Variants in QSOX2 observed in about 807,000 individuals in gnomAD.
The protein encoded by QSOX2 is quiescin sulfhydryl oxidase 2.
Under a neutral mutation model 61.7 loss-of-function variants are expected in QSOX2, and 46 were observed. The ratio of observed to expected loss-of-function variants is 0.75; its 90% CI spans 0.59 to 0.95. The LOEUF (loss-of-function observed/expected upper bound fraction) is 0.95. Among genes scored for constraint, QSOX2 ranks in the 40% least tolerant of loss-of-function variants. The pLI is 0.00. For synonymous variants in QSOX2, 383 were observed against 388.4 expected (o/e 0.99, Z 0.16); for missense variants, 879 against 918.9 (o/e 0.96, Z 0.56).
intron 8 of QSOX2, among the ~76,000 whole-genome samples, chr9:136,217,782 T>A (rs889250196): frequency 6.6e-6 from 1 of 152,196 alleles, no homozygotes; most frequent in Non-Finnish European, 1.5e-5. Context: ...TCCACTAATA[T>A]GATGGACAGA....
chr9:136,224,516 G>A (rs1830261159), intron 3 of QSOX2, among the ~76,000 whole-genome samples: 2 of 152,200 alleles, frequency 1.3e-5, no homozygotes, highest in South Asian at 4.1e-4. Flanking sequence ...TGTGGCCTGC[G>A]GGGTCTGATC....
intron 3 of QSOX2, 141 bp from the exon 4 acceptor site, chr9:136,224,253 T>C (rs1249288032): frequency 6.2e-6 from 4 of 642,836 alleles, no homozygotes; most frequent in African/African-American, 5.4e-5. Context: ...GCAATCCCAA[T>C]GGGTGTGCCC....
chr9:136,220,304 C>T (rs1040361882), intron 6 of QSOX2, among the ~76,000 whole-genome samples: 1 of 152,250 alleles, frequency 6.6e-6, no homozygotes, highest in Non-Finnish European at 1.5e-5. Context: ...GCTGGGATTA[C>T]AGGTGTGAGC....
At chr9:136,240,825 C>T (rs759663375) in intron 1 of QSOX2, among the ~76,000 whole-genome samples, 17 of 152,212 alleles carry the variant, frequency 1.1e-4, no homozygotes, top group South Asian at 4.2e-4. Flanking sequence ...CAAAACTACA[C>T]GTTCTTCAGC....
intron 1 of QSOX2, among the ~76,000 whole-genome samples, chr9:136,234,616 A>T (rs1588640203): frequency 6.6e-6 from 1 of 152,068 alleles, no homozygotes; most frequent in Non-Finnish European, 1.5e-5. Flanking sequence ...GCACCCAGGA[A>T]CCTTCCTGGG....
chr9:136,220,621 TC>T lies in QSOX2; in HGVS notation c.821+1174del, dbSNP rs1474776863. Among the ~76,000 whole-genome samples the T allele has an allele frequency of 6.1e-5, 3 of 49,544 alleles. No individual in the cohort carries two copies. The African/African-American group carries it at 1.1e-3, about 19-fold the overall frequency. 32.5% of individuals were successfully genotyped at this position (49,544 alleles called of 152,430 possible). A position where few individuals can be genotyped will look rare whatever the true frequency, so the allele number is the denominator to read the frequency against. The stretch of plus-strand genomic sequence containing the variant: ...GGGCAGGCTAGCCTCACGCTGTCCT[TC>T]TCCTCACGCTGTCCTTCTCCCCAAG... On this transcript the variant is annotated intron_variant, in intron 6 of 11. Coordinates refer to ENST00000358701, the MANE Select transcript of QSOX2 (RefSeq NM_181701.4).
rs1031000272 is a variant in QSOX2, at chr9:136,221,651, A to G, written c.821+145T>C. 2.5e-5 allele frequency: 20 copies of G among 788,518 alleles called. No individual in the cohort carries two copies. The highest frequency in any genetic ancestry group is 1.1e-4 in the African/African-American group (6 of 56,454). 48.8% of individuals were successfully genotyped at this position (788,518 alleles called of 1,614,324 possible). ...AGATCAGCAATACCCACGGGCTGAGAGCCAGGGCCCAAATCTGCCCAGGGA... is the reference window on the plus strand; with the variant it reads ...AGATCAGCAATACCCACGGGCTGAGGGCCAGGGCCCAAATCTGCCCAGGGA... On this transcript the variant is annotated intron_variant, in intron 6 of 11. Transcript: ENST00000358701. This position sits in a 1 kb window ranked among gnomAD's most constrained non-coding sequence, Gnocchi z 4.5.
chr9:136,230,306 T>G (rs77722142), intron 1 of QSOX2, among the ~76,000 whole-genome samples: 2,603 of 152,240 alleles, frequency 0.017, 68 homozygotes, highest in African/African-American at 0.059. Flanking sequence ...ATAATTCTCC[T>G]GAATCTCAGG....
At chr9:136,212,122 C>T (rs1255186436) in intron 10 of QSOX2, among the ~76,000 whole-genome samples, 1 of 152,200 alleles carries the variant, frequency 6.6e-6, no homozygotes, top group Non-Finnish European at 1.5e-5. Context: ...GGGGCGCTTC[C>T]GCAGATACTG....
At position 136,207,267 on chromosome 9, in the gene QSOX2, CCAT is replaced by C. The variant is rs1278404393; in HGVS notation, c.*1458_*1460del. The C allele has an allele frequency of 6.6e-6, 1 of 152,092 alleles. No individual in the cohort carries two copies. The highest frequency in any genetic ancestry group is 1.5e-5 in the Non-Finnish European group (1 of 68,010). 9.4% of individuals were successfully genotyped at this position (152,092 alleles called of 1,614,324 possible). The stretch of plus-strand genomic sequence containing the variant: ...ATATTACATGGTCTTATGAATACAT[CCAT>C]GTCATCAACTTGTTAGTAAACACAT... On this transcript the variant is annotated 3_prime_UTR_variant, in exon 12 of 12. Transcript: ENST00000358701.
chr9:136,243,213 T>A (rs1457955090), intron 1 of QSOX2, among the ~76,000 whole-genome samples: 1 of 152,256 alleles, frequency 6.6e-6, no homozygotes, highest in Non-Finnish European at 1.5e-5. Context: ...ATATTTGAAA[T>A]GGTCCTGCAA....
chr9:136,208,719 C>G lies in QSOX2; in HGVS notation c.*9G>C, dbSNP rs757710897. 5 of 1,597,590 alleles carry G rather than the reference C, an allele frequency of 3.1e-6. No homozygotes were observed. Among genetic ancestry groups the G allele is most frequent in the Non-Finnish European group, 4.3e-6 (5 of 1,168,778 alleles). ...GGAGCTTCCGCCGTGGCTGGCAGCA[C>G]CCGGGCACTCACACGGCCGGGTGGT... is the stretch of plus-strand genomic sequence containing the variant. On this transcript the variant is annotated 3_prime_UTR_variant, in exon 12 of 12. Coordinates refer to ENST00000358701, the MANE Select transcript of QSOX2 (RefSeq NM_181701.4).
chr9:136,217,917 C>T (rs982396276), intron 8 of QSOX2, among the ~76,000 whole-genome samples: 5 of 152,266 alleles, frequency 3.3e-5, no homozygotes, highest in African/African-American at 1.2e-4. Context: ...TCCAGTCCTT[C>T]AAGATTTCCT....
At chr9:136,226,752 C>T in intron 2 of QSOX2, 22 bp downstream of exon 2, 1 of 1,594,394 alleles carries the variant, frequency 6.3e-7, no homozygotes, top group Non-Finnish European at 8.6e-7. Context: ...TTTCAACGGA[C>T]AAGCAGCCGC....
chr9:136,218,907 G>A, intron 7 of QSOX2, 99 bp from the exon 8 acceptor site: 1 of 1,569,468 alleles, frequency 6.4e-7, no homozygotes, highest in Non-Finnish European at 8.7e-7. Flanking sequence ...AGGGCCCCTG[G>A]GAGGGCTCCT....
chr9:136,237,926 G>A (rs1370051246), intron 1 of QSOX2, among the ~76,000 whole-genome samples: 1 of 152,280 alleles, frequency 6.6e-6, no homozygotes, highest in Non-Finnish European at 1.5e-5. Context: ...GGAGCACAGA[G>A]AATAGTGCTA....
At chr9:136,244,969 T>C (rs534491728) in intron 1 of QSOX2, among the ~76,000 whole-genome samples, 1 of 152,260 alleles carries the variant, frequency 6.6e-6, no homozygotes, top group Admixed American at 6.5e-5. Context: ...AGAAAGTTAA[T>C]GATGAAGGTT....
At position 136,208,940 on chromosome 9, in the gene QSOX2, A is replaced by G; in HGVS notation, c.1885T>C (p.Leu629=). 5 of 1,613,720 alleles carry G rather than the reference A, an allele frequency of 3.1e-6. No individual in the cohort carries two copies. The highest frequency in any genetic ancestry group is 4.2e-6 in the Non-Finnish European group (5 of 1,179,844). ...TCCAGACTCTGGAGTTTCCCGTCCA[A>G]GCTGTGATGCAAGCTCTCTGGAAGG... is the stretch of plus-strand genomic sequence containing the variant. The part of the protein sequence containing the change: ...PALPESLHHS[L]DGKLQSLDGP... The change falls in exon 12 of 12, where the codon TTG becomes CTG. Residue 629 remains leucine (L), a synonymous_variant. Coordinates refer to ENST00000358701, the MANE Select transcript of QSOX2 (RefSeq NM_181701.4).
Position 136,208,427 on chromosome 9 carries a change from C to G in QSOX2, c.*301G>C, listed in dbSNP as rs1482745619. ...GACTATCTGGCCTGGACTCTGCACC[C>G]TCTTTTCACATCTAGAAGAGTAAAA... On this transcript the variant is annotated 3_prime_UTR_variant, in exon 12 of 12. Transcript: ENST00000358701. 1 of 295,344 alleles carries G rather than the reference C, an allele frequency of 3.4e-6. No homozygotes were observed. Among genetic ancestry groups the G allele is most frequent in the Admixed American group, 4.9e-5 (1 of 20,596 alleles). The allele number at this position is 295,344 out of a possible 1,614,324, so 18.3% of individuals were successfully genotyped here. A position where few individuals can be genotyped will look rare whatever the true frequency, so the allele number is the denominator to read the frequency against.
Sources: allele counts gnomAD v4.1 joint callset (sites outside exome capture counted in the v4.1 genomes callset), GRCh38; gene constraint gnomAD v4.1.1; non-coding constraint Gnocchi (gnomAD v3.1); transcripts MANE v1.5; gene names NCBI Gene and HGNC (gene_info 2026-07-23, HGNC 2026-07-21).